ADARB2: variants seen among roughly 807,000 people sequenced by gnomAD.
The protein encoded by ADARB2 is adenosine deaminase RNA specific B2 (inactive).
In ADARB2, 25 loss-of-function variants were observed where a neutral mutation model predicts 62.2. That is an observed-to-expected ratio of 0.40 (90% CI 0.29 to 0.56). The LOEUF (loss-of-function observed/expected upper bound fraction) is 0.56. ADARB2 is among the 20% of genes least tolerant of loss of function. The pLI, the probability that ADARB2 is intolerant of heterozygous loss-of-function variation, is 0.43. For synonymous variants in ADARB2, 572 were observed against 500.8 expected (o/e 1.14, Z -1.90); for missense variants, 1,071 against 1,077.4 (o/e 0.99, Z 0.08).
intron 1 of ADARB2, among the ~76,000 whole-genome samples, chr10:1,651,228 T>C (rs752089795): frequency 6.6e-6 from 1 of 152,222 alleles, no homozygotes; most frequent in African/African-American, 2.4e-5. Flanking sequence ...ATGAGCAAGG[T>C]CTGATGGCTC....
Position 1,624,588 on chromosome 10 carries a change from C to A in ADARB2, c.100+112463G>T, listed in dbSNP as rs536573322. Among the ~76,000 whole-genome samples, 5 of 152,312 alleles carry A rather than the reference C, an allele frequency of 3.3e-5. No individual in the cohort carries two copies. In the South Asian group the frequency reaches 1.0e-3, roughly 32 times the overall value. Reference sequence around the variant, plus strand: ...CTGAGCGAAACTCACGAGGTTATGACAATTTCCCACCTCTGAAAATAACAT... The same window carrying A: ...CTGAGCGAAACTCACGAGGTTATGAAAATTTCCCACCTCTGAAAATAACAT... On this transcript the variant is annotated intron_variant, in intron 1 of 9. Coordinates refer to ENST00000381312, the MANE Select transcript of ADARB2 (RefSeq NM_018702.4).
intron 1 of ADARB2, among the ~76,000 whole-genome samples, chr10:1,440,032 G>A (rs1830885670): frequency 6.6e-6 from 1 of 150,454 alleles, no homozygotes. Flanking sequence ...TCATGATGGG[G>A]CTCCTGAGTC....
Position 1,733,977 on chromosome 10 carries a change from TGA to T in ADARB2, c.100+3072_100+3073del, listed in dbSNP as rs573367424. Reference sequence around the variant, plus strand: ...ACGTTGCTTTGCCGCGATGTAAAAATGAGAGAGATTTTCCCTGTCCTTCTCAT... The same window carrying T: ...ACGTTGCTTTGCCGCGATGTAAAAATGAGAGATTTTCCCTGTCCTTCTCAT... On this transcript the variant is annotated intron_variant, in intron 1 of 9. Coordinates refer to ENST00000381312, the MANE Select transcript of ADARB2 (RefSeq NM_018702.4). 1.1e-3 allele frequency among the ~76,000 whole-genome samples: 167 copies of T among 150,664 alleles called. 1 individual carries two copies. Among genetic ancestry groups the T allele is most frequent in the African/African-American group, 3.2e-3 (132 of 41,050 alleles).
At chr10:1,327,303 ACGGCACAGCACC>A (rs1831872572) in intron 3 of ADARB2, among the ~76,000 whole-genome samples, 1 of 57,564 alleles carries the variant, frequency 1.7e-5, no homozygotes, top group African/African-American at 6.4e-5. Context: ...GCGCCTCCCC[ACGGCACAGCACC>A]TCCTCACTGC....
At chr10:1,361,852 C>T (rs182035448) in intron 3 of ADARB2, among the ~76,000 whole-genome samples, 9 of 152,330 alleles carry the variant, frequency 5.9e-5, no homozygotes, top group East Asian at 3.9e-4. Context: ...TGCATACTTA[C>T]GACGAGTCCC....
chr10:1,459,013 A>G (rs1831133557), intron 1 of ADARB2, among the ~76,000 whole-genome samples: 1 of 152,220 alleles, frequency 6.6e-6, no homozygotes, highest in African/African-American at 2.4e-5. Flanking sequence ...ACAAGTCAGA[A>G]TGGCTATTAT....
At chr10:1,568,385 C>T (rs868836915) in intron 1 of ADARB2, among the ~76,000 whole-genome samples, 4 of 152,224 alleles carry the variant, frequency 2.6e-5, no homozygotes, top group Admixed American at 1.3e-4. Context: ...AGCGAACACA[C>T]GGTCCAGCTG....
intron 3 of ADARB2, among the ~76,000 whole-genome samples, chr10:1,325,990 A>G (rs1026188899): frequency 1.3e-5 from 2 of 152,208 alleles, no homozygotes; most frequent in African/African-American, 4.8e-5. Flanking sequence ...ATAGTTTACT[A>G]ATCAACTCTC....
At position 1,198,797 on chromosome 10, in the gene ADARB2, A is replaced by G. The variant is rs537382651; in HGVS notation, c.1864+1169T>C. Among the ~76,000 whole-genome samples, 481 of 152,366 alleles carry G rather than the reference A, an allele frequency of 3.2e-3. 4 individuals are homozygous for G. The highest frequency in any genetic ancestry group is 0.011 in the African/African-American group (459 of 41,580). On this transcript the variant is annotated intron_variant, in intron 8 of 9. Coordinates refer to ENST00000381312, the MANE Select transcript of ADARB2 (RefSeq NM_018702.4). ...TTTTTATTTATGTTGACATGTTCCC[A>G]GATGGACACATGATTGAAAATCAGC...
At chr10:1,350,432 C>T (rs1465209628) in intron 3 of ADARB2, among the ~76,000 whole-genome samples, 1 of 152,198 alleles carries the variant, frequency 6.6e-6, no homozygotes, top group Non-Finnish European at 1.5e-5. Flanking sequence ...TCTTCATCAG[C>T]CTCCGCTCCT....
At chr10:1,703,272 G>C (rs565189821) in intron 1 of ADARB2, among the ~76,000 whole-genome samples, 11 of 152,186 alleles carry the variant, frequency 7.2e-5, no homozygotes, top group Admixed American at 3.3e-4. Flanking sequence ...GGTTGAAGGG[G>C]CATCCAGGGA....
chr10:1,327,881 C>T lies in ADARB2; in HGVS notation c.1077+35147G>A, dbSNP rs1176591650. On this transcript the variant is annotated intron_variant, in intron 3 of 9. Transcript: ENST00000381312. ...AGCTCAGCGCCTCCTCACAGCTCAG[C>T]GCCTCCTCACAGCTCAGCGCCTCCT... Among the ~76,000 whole-genome samples the T allele has an allele frequency of 1.8e-4, 28 of 151,852 alleles. 3 individuals carry two copies. In the South Asian group the frequency reaches 3.1e-3, roughly 17 times the overall value.
At chr10:1,634,866 C>T (rs544402267) in intron 1 of ADARB2, among the ~76,000 whole-genome samples, 1 of 152,258 alleles carries the variant, frequency 6.6e-6, no homozygotes, top group South Asian at 2.1e-4. Context: ...TTCATAAAAC[C>T]AGTAGTTACT....
intron 1 of ADARB2, among the ~76,000 whole-genome samples, chr10:1,459,288 C>T (rs376882754): frequency 3.7e-4 from 56 of 152,326 alleles, no homozygotes; most frequent in Non-Finnish European, 4.6e-4. Flanking sequence ...TGTCCATCAA[C>T]GACAGACTGG....
chr10:1,621,002 A>G (rs1833697555), intron 1 of ADARB2, among the ~76,000 whole-genome samples: 1 of 152,210 alleles, frequency 6.6e-6, no homozygotes, highest in Non-Finnish European at 1.5e-5. Context: ...GCCCAGCTCC[A>G]TCCTTAGTCA....
chr10:1,572,173 A>G (rs566463062), intron 1 of ADARB2, among the ~76,000 whole-genome samples: 1 of 148,510 alleles, frequency 6.7e-6, no homozygotes, highest in Non-Finnish European at 1.5e-5. Flanking sequence ...GTGAGTGTGC[A>G]GGCGAGTAGG....
intron 1 of ADARB2, among the ~76,000 whole-genome samples, chr10:1,474,085 C>T (rs183275001): frequency 1.4e-3 from 209 of 152,196 alleles, no homozygotes; most frequent in Middle Eastern, 0.01. Context: ...CACTGAGCAC[C>T]TGCTCTTCGG....
In ADARB2 at chr10:1,223,401, C is replaced by G. The variant is rs1055550618; in HGVS notation, c.1514-6282G>C. On this transcript the variant is annotated intron_variant, in intron 6 of 9. Transcript: ENST00000381312. ...ACTTCCTCTTTTTCTAATTGAATAA[C>G]CTTTATTTCCTTCTCCTGCCTGATT... Among the ~76,000 whole-genome samples the G allele has an allele frequency of 5.9e-5, 9 of 152,210 alleles. No homozygotes were observed. In the South Asian group the frequency reaches 6.2e-4, roughly 11 times the overall value.
At chr10:1,217,953 C>G (rs148785166) in intron 6 of ADARB2, among the ~76,000 whole-genome samples, 1 of 152,244 alleles carries the variant, frequency 6.6e-6, no homozygotes, top group African/African-American at 2.4e-5. Context: ...CACCCCCCGC[C>G]CCCCTATACC....
Sources: allele counts gnomAD v4.1 joint callset (sites outside exome capture counted in the v4.1 genomes callset), GRCh38; gene constraint gnomAD v4.1.1; transcripts MANE v1.5; gene names NCBI Gene and HGNC (gene_info 2026-07-23, HGNC 2026-07-21).